The following SGCD variants were observed in gnomAD, a reference collection of about 807,000 sequenced individuals.
SGCD encodes sarcoglycan delta.
In SGCD, 18 loss-of-function variants were observed where a neutral mutation model predicts 36.6. The ratio of observed to expected loss-of-function variants is 0.49; its 90% CI spans 0.34 to 0.73. SGCD has a LOEUF of 0.73. Ranked by LOEUF, SGCD falls within the 30% of genes least tolerant of loss-of-function variation. The pLI is 0.01. For missense variants in SGCD, 387 were observed against 346.7 expected (o/e 1.12, Z -0.92); for synonymous variants, 133 against 130.6 (o/e 1.02, Z -0.12).
intron 7 of SGCD, among the ~76,000 whole-genome samples, chr5:156,744,250 T>C (rs1406188176): frequency 2.0e-5 from 3 of 152,226 alleles, no homozygotes; most frequent in African/African-American, 7.2e-5. Flanking sequence ...CTTCCCTGAG[T>C]TAGCATGGCT....
At chr5:156,554,568 CA>C (rs35708365) in intron 4 of SGCD, among the ~76,000 whole-genome samples, 7 of 146,654 alleles carry the variant, frequency 4.8e-5, no homozygotes, top group South Asian at 4.3e-4. Flanking sequence ...TATGTTTAAC[CA>C]AAAAAAAGTA....
chr5:156,120,609 G>T (rs1762014796), intron 2 of SGCD, among the ~76,000 whole-genome samples: 1 of 152,096 alleles, frequency 6.6e-6, no homozygotes, highest in Non-Finnish European at 1.5e-5. Flanking sequence ...CATGTCCTTG[G>T]ATGACTTAGA....
intron 3 of SGCD, among the ~76,000 whole-genome samples, chr5:156,492,542 A>G (rs969737490): frequency 1.3e-5 from 2 of 152,168 alleles, no homozygotes; most frequent in African/African-American, 4.8e-5. Flanking sequence ...AATAGTATAG[A>G]TATTTACTAT....
At chr5:155,992,114 A>G (rs1758443603) in intron 1 of SGCD, among the ~76,000 whole-genome samples, 1 of 152,188 alleles carries the variant, frequency 6.6e-6, no homozygotes, top group Non-Finnish European at 1.5e-5. Flanking sequence ...AAATATATAC[A>G]ATTTTTTCTC....
intron 1 of SGCD, among the ~76,000 whole-genome samples, chr5:155,924,200 C>G (rs1315649999): frequency 1.3e-5 from 2 of 152,106 alleles, no homozygotes; most frequent in African/African-American, 4.8e-5. Context: ...CAATTTTTAC[C>G]CAACCCAAAC....
the SGCD span, among the ~76,000 whole-genome samples, chr5:155,791,483 A>G: frequency 6.6e-6 from 1 of 152,184 alleles, no homozygotes; most frequent in African/African-American, 2.4e-5. Context: ...CTCTTTGCTG[A>G]TGATATGGTT....
the SGCD span, among the ~76,000 whole-genome samples, chr5:155,844,718 T>C: frequency 6.6e-6 from 1 of 152,160 alleles, no homozygotes; most frequent in African/African-American, 2.4e-5. Flanking sequence ...ATACCGTATA[T>C]GGAGATGAAA....
At chr5:156,376,224 TATC>T (rs1302800388) in intron 3 of SGCD, among the ~76,000 whole-genome samples, 1 of 152,224 alleles carries the variant, frequency 6.6e-6, no homozygotes, top group Admixed American at 6.5e-5. Context: ...TGGCTCCCCA[TATC>T]ATCTTGGGTG....
intron 3 of SGCD, among the ~76,000 whole-genome samples, chr5:156,380,281 G>A (rs1480778623): frequency 1.3e-5 from 2 of 152,168 alleles, no homozygotes; most frequent in Admixed American, 1.3e-4. Flanking sequence ...CAAAGCCAAA[G>A]GAGACGTTGA....
intron 3 of SGCD, among the ~76,000 whole-genome samples, chr5:156,253,400 T>C (rs1181996195): frequency 1.3e-5 from 2 of 152,184 alleles, no homozygotes; most frequent in African/African-American, 4.8e-5. Flanking sequence ...ATTTTATATT[T>C]ACAAGGAAGG....
intron 4 of SGCD, among the ~76,000 whole-genome samples, chr5:156,541,309 G>C (rs566250577): frequency 3.9e-5 from 6 of 152,270 alleles, no homozygotes; most frequent in African/African-American, 1.4e-4. Flanking sequence ...GATGAATATA[G>C]ATCTTACAAA....
chr5:156,368,550 A>C (rs1378927697), intron 3 of SGCD, among the ~76,000 whole-genome samples: 1 of 152,074 alleles, frequency 6.6e-6, no homozygotes, highest in Non-Finnish European at 1.5e-5. Flanking sequence ...CTGTAGCTTC[A>C]TTTTTTTAAA....
chr5:156,038,305 A>C (rs1759548772), intron 1 of SGCD, among the ~76,000 whole-genome samples: 1 of 152,180 alleles, frequency 6.6e-6, no homozygotes, highest in African/African-American at 2.4e-5. Context: ...GGAAAGATGA[A>C]GAGACTGTCA....
intron 3 of SGCD, among the ~76,000 whole-genome samples, chr5:156,405,222 T>G (rs1003508140): frequency 2.6e-5 from 4 of 152,162 alleles, no homozygotes; most frequent in Non-Finnish European, 1.5e-5. Flanking sequence ...GATTTCAACC[T>G]TGTAAGACCC....
chr5:155,817,485 T>G, the SGCD span, among the ~76,000 whole-genome samples: 1 of 152,060 alleles, frequency 6.6e-6, no homozygotes, highest in Non-Finnish European at 1.5e-5. Context: ...TATTTTAAGA[T>G]AGGTTTATTT....
chr5:156,189,465 G>A (rs1053450881), intron 3 of SGCD, among the ~76,000 whole-genome samples: 1 of 152,154 alleles, frequency 6.6e-6, no homozygotes. Context: ...ATGTAACAAA[G>A]CAGATATGAA....
chr5:156,558,735 C>T (rs1759149669), intron 4 of SGCD, among the ~76,000 whole-genome samples: 1 of 151,912 alleles, frequency 6.6e-6, no homozygotes, highest in African/African-American at 2.4e-5. Flanking sequence ...AGAGGAAAGC[C>T]CTAAGTGAAT....
the SGCD span, among the ~76,000 whole-genome samples, chr5:155,824,508 CA>C: frequency 2.0e-5 from 3 of 152,030 alleles, no homozygotes; most frequent in East Asian, 5.8e-4. Flanking sequence ...AAAATAAATT[CA>C]TTTTATTTTA....
intron 8 of SGCD, chr5:156,758,121 A>C: frequency 1.9e-6 from 1 of 533,824 alleles, no homozygotes; most frequent in Non-Finnish European, 2.4e-6. Context: ...ATGGGGAGGC[A>C]GATTGAACAG....
Sources: gnomAD v4.1 joint callset for allele counts (sites outside exome capture counted in the v4.1 genomes callset) on GRCh38, gnomAD v4.1.1 for gene constraint, MANE v1.5 for transcripts, NCBI Gene and HGNC (gene_info 2026-07-23, HGNC 2026-07-21) for gene names.